NADSYN1: variants seen among roughly 807,000 people sequenced by gnomAD.
The protein encoded by NADSYN1 is NAD synthetase 1, also known as glutamine-dependent NAD(+) synthetase.
Under a neutral mutation model 99.3 loss-of-function variants are expected in NADSYN1, and 80 were observed. The observed-to-expected ratio is 0.81, with a 90% CI of 0.67 to 0.97. The LOEUF is 0.97. NADSYN1 is among the 50% of genes least tolerant of loss of function. NADSYN1 has a pLI of 0.00. For synonymous variants in NADSYN1, 385 were observed against 372.1 expected (o/e 1.03, Z -0.40); for missense variants, 859 against 948.5 (o/e 0.91, Z 1.24).
At chr11:71,487,830 C>CAAAAAAAA (rs71049984) in intron 16 of NADSYN1, among the ~76,000 whole-genome samples, 2 of 80,068 alleles carry the variant, frequency 2.5e-5, no homozygotes, top group Non-Finnish European at 4.8e-5. Context: ...GACTCCGTCT[C>CAAAAAAAA]AAAAAAAAAA....
intron 2 of NADSYN1, among the ~76,000 whole-genome samples, chr11:71,458,053 T>G (rs1285136358): frequency 6.6e-6 from 1 of 152,192 alleles, no homozygotes; most frequent in Non-Finnish European, 1.5e-5. Context: ...AGTGATCTTC[T>G]TTGCCAAAGA....
At chr11:71,473,786 T>A in intron 8 of NADSYN1, 100 bp downstream of exon 8, 2 of 868,784 alleles carry the variant, frequency 2.3e-6, no homozygotes, top group Non-Finnish European at 3.8e-6. Context: ...CCACACACAA[T>A]GGATGTTCCA....
chr11:71,478,430 C>A lies in NADSYN1; in HGVS notation c.834C>A (p.Val278=), dbSNP rs763052440. The A allele has an allele frequency of 5.0e-6, 8 of 1,609,572 alleles. 1 individual carries two copies. In the South Asian group the frequency reaches 8.9e-5, roughly 18 times the overall value. The change falls in exon 10 of 21, where the codon GTC becomes GTA. Residue 278 remains valine (V), a synonymous_variant. Coordinates refer to ENST00000319023, the MANE Select transcript of NADSYN1 (RefSeq NM_018161.5). The stretch of plus-strand genomic sequence containing the variant: ...CGGCCACGCTGGATCTGGAGGACGT[C>A]CGGAGCTACAGGGCGGAGATTTCAT... ...VLTATLDLED[V]RSYRAEISSR...
At chr11:71,499,166 C>G (rs1299132608) in intron 20 of NADSYN1, 1 of 152,332 alleles carries the variant, frequency 6.6e-6, no homozygotes, top group Non-Finnish European at 1.5e-5. Context: ...GTGTGCACCG[C>G]ACTTTCTCTA....
At position 71,484,824 on chromosome 11, in the gene NADSYN1, A is replaced by G. The variant is rs1160860058; in HGVS notation, c.1455+377A>G. The stretch of plus-strand genomic sequence containing the variant: ...GGTTACATGAGTGTATGAGAGTACA[A>G]GTGTGTGAATGTATGCACAAGTGTG... On this transcript the variant is annotated intron_variant, in intron 15 of 20. Coordinates refer to ENST00000319023, the MANE Select transcript of NADSYN1 (RefSeq NM_018161.5). 3 of 233,228 alleles carry G rather than the reference A, an allele frequency of 1.3e-5. No homozygotes were observed. The Admixed American group carries it at 1.5e-4, about 11-fold the overall frequency. The allele number at this position is 233,228 out of a possible 1,614,324, so 14.4% of individuals were successfully genotyped here. A position where few individuals can be genotyped will look rare whatever the true frequency, so the allele number is the denominator to read the frequency against.
At chr11:71,474,638 C>T (rs776548484) in intron 9 of NADSYN1, 112 bp downstream of exon 9, 12 of 1,415,690 alleles carry the variant, frequency 8.5e-6, no homozygotes, top group South Asian at 8.1e-5. Flanking sequence ...GAGAAGCCCC[C>T]GGGGGTCCCG....
At chr11:71,484,644 CAAG>C (rs1441753627) in intron 15 of NADSYN1, 197 bp downstream of exon 15, 4 of 717,426 alleles carry the variant, frequency 5.6e-6, no homozygotes, top group African/African-American at 1.8e-5. Context: ...GCCTTGTTAA[CAAG>C]GAGGGGGTCT....
At chr11:71,459,208 G>A (rs1392426293) in intron 3 of NADSYN1, among the ~76,000 whole-genome samples, 1 of 148,380 alleles carries the variant, frequency 6.7e-6, no homozygotes, top group Non-Finnish European at 1.5e-5. Flanking sequence ...CTGTGCTGGT[G>A]TCTGTGCGGT....
At chr11:71,454,147 C>T (rs1310796983) in intron 1 of NADSYN1, among the ~76,000 whole-genome samples, 1 of 152,162 alleles carries the variant, frequency 6.6e-6, no homozygotes, top group Non-Finnish European at 1.5e-5. Context: ...GAGCCTTTGC[C>T]AGGAACAATA....
At chr11:71,455,057 G>T in intron 1 of NADSYN1, 53 bp from the exon 2 acceptor site, 2 of 1,351,718 alleles carry the variant, frequency 1.5e-6, no homozygotes, top group South Asian at 1.2e-5. Flanking sequence ...ATCTGTCTTT[G>T]AGTGTATAGG....
At chr11:71,476,584 G>T (rs955530072) in intron 9 of NADSYN1, 4 of 912,008 alleles carry the variant, frequency 4.4e-6, no homozygotes, top group Non-Finnish European at 3.9e-6. Flanking sequence ...TGGCCGTCTC[G>T]ACTCCAGGCC....
intron 20 of NADSYN1, chr11:71,499,039 G>T: frequency 6.5e-6 from 1 of 153,756 alleles, no homozygotes. Flanking sequence ...CAGACCATGC[G>T]GTATTTGTCT....
At chr11:71,489,327 A>G (rs1949764171) in intron 16 of NADSYN1, among the ~76,000 whole-genome samples, 1 of 152,090 alleles carries the variant, frequency 6.6e-6, no homozygotes, top group Non-Finnish European at 1.5e-5. Flanking sequence ...TGATTTCACC[A>G]GAAAAAGTCT....
At chr11:71,497,368 C>G in intron 18 of NADSYN1, 115 bp from the exon 19 acceptor site, 1 of 1,370,762 alleles carries the variant, frequency 7.3e-7, no homozygotes, top group East Asian at 2.3e-5. Context: ...CTGCTCCTGC[C>G]TCTCTGGGAA....
chr11:71,483,642 G>A (rs904903768), intron 14 of NADSYN1, among the ~76,000 whole-genome samples: 4 of 152,154 alleles, frequency 2.6e-5, no homozygotes, highest in Non-Finnish European at 5.9e-5. Context: ...TGTTTGTTGA[G>A]CTCAGCTAAA....
chr11:71,465,529 G>A (rs1238773778), intron 5 of NADSYN1, among the ~76,000 whole-genome samples: 4 of 152,176 alleles, frequency 2.6e-5, no homozygotes, highest in East Asian at 1.9e-4. Flanking sequence ...ATCTTCACCC[G>A]GTTGACATTT....
chr11:71,484,212 A>C, intron 14 of NADSYN1, 100 bp from the exon 15 acceptor site: 1 of 1,504,574 alleles, frequency 6.6e-7, no homozygotes, highest in Non-Finnish European at 9.0e-7. Context: ...TAAATGGGTT[A>C]CAATGGTCAG....
At chr11:71,459,886 G>T (rs566643636) in intron 3 of NADSYN1, 3 of 152,436 alleles carry the variant, frequency 2.0e-5, no homozygotes, top group Non-Finnish European at 2.9e-5. Context: ...TCCTTTTGCC[G>T]CTCTGATGAA....
intron 2 of NADSYN1, 53 bp from the exon 3 acceptor site, chr11:71,458,375 C>T (rs1949526715): frequency 7.0e-7 from 1 of 1,420,984 alleles, no homozygotes; most frequent in East Asian, 2.3e-5. Context: ...GGCCCTGCCC[C>T]TCCCCGCTCA....
Sources: gnomAD v4.1 joint callset for allele counts (sites outside exome capture counted in the v4.1 genomes callset) on GRCh38, gnomAD v4.1.1 for gene constraint, MANE v1.5 for transcripts, NCBI Gene and HGNC (gene_info 2026-07-23, HGNC 2026-07-21) for gene names.